SORCS3: variants seen among roughly 807,000 people sequenced by gnomAD.
The protein encoded by SORCS3 is sortilin related VPS10 domain containing receptor 3.
Under a neutral mutation model 146.3 loss-of-function variants are expected in SORCS3, and 57 were observed. The ratio of observed to expected loss-of-function variants is 0.39; its 90% CI spans 0.31 to 0.49. The LOEUF is 0.49. Among genes scored for constraint, SORCS3 ranks in the 20% least tolerant of loss-of-function variants. SORCS3 has a pLI of 0.92. For missense variants in SORCS3, 1,341 were observed against 1,575.5 expected, an observed-to-expected ratio of 0.85 and a Z score of 2.52; for synonymous variants, 653 against 618.5, an observed-to-expected ratio of 1.06 and a Z score of -0.83.
At chr10:105,108,302 G>T (rs1238877266) in intron 7 of SORCS3, among the ~76,000 whole-genome samples, 1 of 152,082 alleles carries the variant, frequency 6.6e-6, no homozygotes, top group African/African-American at 2.4e-5. Context: ...TTTGAGTCTG[G>T]GTTCAGGAGC....
At chr10:104,797,562 T>C (rs1481069578) in intron 1 of SORCS3, among the ~76,000 whole-genome samples, 2 of 152,114 alleles carry the variant, frequency 1.3e-5, no homozygotes, top group African/African-American at 4.8e-5. Context: ...ATATTGTTTG[T>C]AATTGTTTGA....
intron 20 of SORCS3, among the ~76,000 whole-genome samples, chr10:105,244,140 A>G (rs1273681919): frequency 6.6e-6 from 1 of 152,110 alleles, no homozygotes; most frequent in African/African-American, 2.4e-5. Flanking sequence ...TACTTTCCAA[A>G]CAGTAGAGAA....
At chr10:105,006,182 TC>T (rs1436760449) in intron 4 of SORCS3, among the ~76,000 whole-genome samples, 1 of 152,152 alleles carries the variant, frequency 6.6e-6, no homozygotes, top group Non-Finnish European at 1.5e-5. Flanking sequence ...CCTCAGGTGA[TC>T]CACCCGCCTC....
intron 6 of SORCS3, among the ~76,000 whole-genome samples, chr10:105,094,621 G>A (rs979034025): frequency 2.6e-5 from 4 of 152,146 alleles, no homozygotes; most frequent in Admixed American, 2.6e-4. Context: ...TTCAAATGAT[G>A]GACAAGTATT....
chr10:104,676,371 A>G (rs968027085), intron 1 of SORCS3, among the ~76,000 whole-genome samples: 2 of 152,188 alleles, frequency 1.3e-5, no homozygotes, highest in East Asian at 3.8e-4. Context: ...GTTATGGATA[A>G]AAGCCTCTTT....
intron 1 of SORCS3, among the ~76,000 whole-genome samples, chr10:104,721,117 A>C (rs752010667): frequency 1.3e-5 from 2 of 152,164 alleles, no homozygotes; most frequent in African/African-American, 4.8e-5. Context: ...TCGGTCTAAC[A>C]TTTAAGTCTT....
At chr10:104,787,705 A>G (rs1027647200) in intron 1 of SORCS3, among the ~76,000 whole-genome samples, 2 of 152,194 alleles carry the variant, frequency 1.3e-5, no homozygotes, top group African/African-American at 4.8e-5. Flanking sequence ...GTTGGATTCA[A>G]AAGAAGAAAT....
chr10:104,775,724 A>T (rs1367172335), intron 1 of SORCS3, among the ~76,000 whole-genome samples: 1 of 152,202 alleles, frequency 6.6e-6, no homozygotes, highest in Non-Finnish European at 1.5e-5. Context: ...CTCCAGACAG[A>T]ACATCATTGG....
At chr10:104,691,661 A>G (rs1040163576) in intron 1 of SORCS3, among the ~76,000 whole-genome samples, 1 of 152,142 alleles carries the variant, frequency 6.6e-6, no homozygotes, top group African/African-American at 2.4e-5. Flanking sequence ...CTCCCTTACC[A>G]TCTTATTATG....
intron 4 of SORCS3, among the ~76,000 whole-genome samples, chr10:105,042,389 GTTA>G (rs147322644): frequency 1.3e-5 from 2 of 152,028 alleles, no homozygotes; most frequent in Non-Finnish European, 2.9e-5. Flanking sequence ...TATTATTATC[GTTA>G]TTATTATTAT....
intron 1 of SORCS3, among the ~76,000 whole-genome samples, chr10:104,810,286 G>A (rs2451475): frequency 0.17 from 25,546 of 152,074 alleles, 2,495 homozygotes; most frequent in African/African-American, 0.27. Flanking sequence ...GGCCTGTCAC[G>A]CACTGGAGAT....
intron 5 of SORCS3, among the ~76,000 whole-genome samples, chr10:105,043,812 A>G (rs560372008): frequency 2.9e-4 from 44 of 152,298 alleles, no homozygotes; most frequent in Non-Finnish European, 4.3e-4. Flanking sequence ...ATGGGAATGA[A>G]TACATGTTTC....
At position 105,223,258 on chromosome 10, in the gene SORCS3, C is replaced by G. The variant is rs753508706; in HGVS notation, c.2868+9C>G. 1.9e-6 allele frequency: 3 copies of G among 1,602,110 alleles called. No individual in the cohort carries two copies. Among genetic ancestry groups the G allele is most frequent in the Non-Finnish European group, 2.6e-6 (3 of 1,172,430 alleles). ...TCGGCAATAGCACAAAGGTTTGGCC[C>G]TTTCTGATTGATGTCAAATTAGATC... On this transcript the variant is annotated intron_variant, in intron 20 of 26. Transcript: ENST00000369701.
chr10:105,190,066 A>T (rs1050272674), intron 14 of SORCS3, among the ~76,000 whole-genome samples: 68 of 152,318 alleles, frequency 4.5e-4, no homozygotes, highest in African/African-American at 1.6e-3. Context: ...GGCTATTAGG[A>T]GCTGGAGGTG....
At chr10:104,993,041 A>C (rs1418323648) in intron 4 of SORCS3, among the ~76,000 whole-genome samples, 1 of 152,134 alleles carries the variant, frequency 6.6e-6, no homozygotes, top group African/African-American at 2.4e-5. Context: ...ACAGAATCAA[A>C]ATTTTTGACT....
At chr10:104,751,810 C>G (rs1421730613) in intron 1 of SORCS3, among the ~76,000 whole-genome samples, 1 of 150,638 alleles carries the variant, frequency 6.6e-6, no homozygotes, top group African/African-American at 2.4e-5. Context: ...TGGCTCCTAC[C>G]CAGAGATACT....
intron 2 of SORCS3, among the ~76,000 whole-genome samples, chr10:104,890,045 ATCCATAGCTTTGTTCCAT>A (rs1485357102): frequency 6.6e-6 from 1 of 152,114 alleles, no homozygotes; most frequent in Non-Finnish European, 1.5e-5. Context: ...ATCTTCTGTC[ATCCATAGCTTTGTTCCAT>A]TCCATATATC....
chr10:104,780,700 G>A (rs927783766), intron 1 of SORCS3, among the ~76,000 whole-genome samples: 1 of 152,184 alleles, frequency 6.6e-6, no homozygotes, highest in Admixed American at 6.5e-5. Context: ...CTGAATTATG[G>A]CTCTGAAACC....
chr10:104,702,320 G>C (rs1258333008), intron 1 of SORCS3, among the ~76,000 whole-genome samples: 1 of 152,086 alleles, frequency 6.6e-6, no homozygotes, highest in Non-Finnish European at 1.5e-5. Flanking sequence ...GTCTCTCTTT[G>C]TCGCCCAGGC....
Sources: allele counts gnomAD v4.1 joint callset (sites outside exome capture counted in the v4.1 genomes callset), GRCh38; gene constraint gnomAD v4.1.1; transcripts MANE v1.5; gene names NCBI Gene and HGNC (gene_info 2026-07-23, HGNC 2026-07-21).